The following ATF7IP variants were observed in gnomAD, a reference collection of about 807,000 sequenced individuals.
The protein encoded by ATF7IP is activating transcription factor 7 interacting protein.
In ATF7IP, 23 loss-of-function variants were observed where a neutral mutation model predicts 106.4. That is an observed-to-expected ratio of 0.22 (90% CI 0.16 to 0.31). The LOEUF (loss-of-function observed/expected upper bound fraction) is 0.31. Ranked by LOEUF, ATF7IP falls within the 10% of genes least tolerant of loss-of-function variation. The probability of loss-of-function intolerance (pLI) is 1.00; values close to 1 mark genes in which losing one functional copy is unlikely to be tolerated. For missense variants in ATF7IP, 1,334 were observed against 1,524.3 expected (o/e 0.88, Z 2.08); for synonymous variants, 542 against 539.0 (o/e 1.01, Z -0.08).
At chr12:14,411,564 A>G (rs1478838772) in intron 1 of ATF7IP, among the ~76,000 whole-genome samples, 1 of 151,104 alleles carries the variant, frequency 6.6e-6, no homozygotes, top group Non-Finnish European at 1.5e-5. Context: ...CAGAAAAAGA[A>G]AAAAAAAAGC....
intron 9 of ATF7IP, among the ~76,000 whole-genome samples, chr12:14,465,418 C>G (rs1943793944): frequency 6.6e-6 from 1 of 151,784 alleles, no homozygotes; most frequent in African/African-American, 2.4e-5. Context: ...CCTAGTGTAT[C>G]TTAATACTCC....
chr12:14,451,111 A>C (rs1406717783), intron 6 of ATF7IP, among the ~76,000 whole-genome samples: 1 of 151,752 alleles, frequency 6.6e-6, no homozygotes. Context: ...ATTTACTTTT[A>C]ATAATTCAGT....
In ATF7IP at chr12:14,425,438, C is replaced by T; in HGVS notation, c.1523C>T (p.Ser508Phe). The change falls in exon 2 of 15, where the codon TCT (serine) becomes TTT (phenylalanine). Residue 508 changes from serine to phenylalanine, a missense_variant. Ser to Phe is a radical substitution (Grantham distance 155). This residue lies in a region of ATF7IP where 119 missense variants were observed against 117.8 expected (regional missense o/e 1.01). Transcript: ENST00000261168. ...EEDISGEKDE[S>F]EVISQNETCS... ...GATATTTCGGGTGAAAAAGATGAGT[C>T]TGAAGTTATATCGCAAAATGAAACG... 6.4e-7 allele frequency: 1 copy of T among 1,573,558 alleles called. No homozygotes were observed. Among genetic ancestry groups the T allele is most frequent in the Non-Finnish European group, 8.6e-7 (1 of 1,164,458 alleles).
chr12:14,438,041 A>G (rs1415833038), intron 4 of ATF7IP, 89 bp from the exon 5 acceptor site: 9 of 1,307,762 alleles, frequency 6.9e-6, no homozygotes, highest in Non-Finnish European at 8.4e-6. Flanking sequence ...CGACAGAGCG[A>G]GACTCTGTCT....
At chr12:14,383,667 A>G (rs1939089547) in intron 1 of ATF7IP, among the ~76,000 whole-genome samples, 1 of 152,162 alleles carries the variant, frequency 6.6e-6, no homozygotes, top group South Asian at 2.1e-4. Flanking sequence ...ATCTTCCTGC[A>G]TCAGCCTCTT....
chr12:14,398,803 G>A (rs1940012507), intron 1 of ATF7IP, among the ~76,000 whole-genome samples: 1 of 151,386 alleles, frequency 6.6e-6, no homozygotes, highest in African/African-American at 2.4e-5. Context: ...TCATATATAG[G>A]TTTTATATGT....
chr12:14,497,508 C>G, intron 14 of ATF7IP, 146 bp from the exon 15 acceptor site: 1 of 861,408 alleles, frequency 1.2e-6, no homozygotes, highest in Admixed American at 3.0e-5. Flanking sequence ...ATAGAACTTG[C>G]CAAATTTGAT....
chr12:14,371,038 G>T (rs7137532), intron 1 of ATF7IP, among the ~76,000 whole-genome samples: 82,549 of 151,388 alleles, frequency 0.55, 22,969 homozygotes, highest in African/African-American at 0.66. Flanking sequence ...TATATTTTCT[G>T]ATAAGGATGT....
chr12:14,464,759 A>G (rs921053040), intron 9 of ATF7IP, among the ~76,000 whole-genome samples: 1 of 152,234 alleles, frequency 6.6e-6, no homozygotes, highest in Non-Finnish European at 1.5e-5. Flanking sequence ...AGAATAAGGA[A>G]TATCATTACA....
intron 1 of ATF7IP, chr12:14,394,807 C>T (rs1405556113): frequency 6.6e-6 from 1 of 152,094 alleles, no homozygotes; most frequent in Non-Finnish European, 1.5e-5. Flanking sequence ...TAGGTTTATA[C>T]CTATTGATAC....
At chr12:14,474,086 C>A (rs1175953751) in intron 10 of ATF7IP, among the ~76,000 whole-genome samples, 1 of 151,788 alleles carries the variant, frequency 6.6e-6, no homozygotes, top group East Asian at 1.9e-4. Context: ...GGTTATTATT[C>A]AATTTTTTCT....
chr12:14,382,560 T>C (rs766556733), intron 1 of ATF7IP, among the ~76,000 whole-genome samples: 7 of 152,224 alleles, frequency 4.6e-5, no homozygotes, highest in Non-Finnish European at 7.3e-5. Context: ...GAACTGCAGA[T>C]GTTTTTAGGC....
At position 14,460,836 on chromosome 12, in the gene ATF7IP, T is replaced by C. The variant is rs1461787537; in HGVS notation, c.2500T>C (p.Ser834Pro). 1.9e-6 allele frequency: 3 copies of C among 1,614,050 alleles called. No homozygotes were observed. The highest frequency in any genetic ancestry group is 2.5e-6 in the Non-Finnish European group (3 of 1,180,018). The change falls in exon 9 of 15, where the codon TCC becomes CCC. Residue 834 changes from serine (S) to proline (P), a missense_variant. Physicochemically the swap from Ser to Pro is moderately conservative, Grantham distance 74 (BLOSUM62 -1). Coordinates refer to ENST00000261168, the MANE Select transcript of ATF7IP (RefSeq NM_018179.5). ...TVSGLTKNPV[S>P]LPSLPNPTKP... is the part of the protein sequence containing the mutation. ...GAGTGGTCTTACCAAAAATCCAGTA[T>C]CCTTGCCATCCTTGCCAAATCCCAC...
At position 14,460,646 on chromosome 12, in the gene ATF7IP, A is replaced by C; in HGVS notation, c.2310A>C (p.Gly770=). ...TVVATTQVPS[G]NPQPTISLQP... The stretch of plus-strand genomic sequence containing the variant: ...TTGCTACTACTCAGGTGCCTAGTGG[A>C]AATCCCCAGCCTACAATCTCTTTAC... The change falls in exon 9 of 15, where the codon GGA becomes GGC. Residue 770 remains glycine, a synonymous_variant. Transcript: ENST00000261168. 1 of 1,614,188 alleles carries C rather than the reference A, an allele frequency of 6.2e-7. No homozygotes were observed. The highest frequency in any genetic ancestry group is 8.5e-7 in the Non-Finnish European group (1 of 1,180,030).
chr12:14,438,050 CTCAAAAAAAAAGAATATTTACT>C, intron 4 of ATF7IP, 58 bp from the exon 5 acceptor site: 1 of 1,409,712 alleles, frequency 7.1e-7, no homozygotes, highest in Admixed American at 2.1e-5. Context: ...GAGACTCTGT[CTCAAAAAAAAAGAATATTTACT>C]GTTTATTGCT....
chr12:14,456,644 CAT>C lies in ATF7IP; in HGVS notation c.2069+12_2069+13del. 1 of 1,578,852 alleles carries C rather than the reference CAT, an allele frequency of 6.3e-7. No homozygotes were observed. The highest frequency in any genetic ancestry group is 8.7e-7 in the Non-Finnish European group (1 of 1,151,080). ...ATAACATGTCTTACAGGTGAGAATT[CAT>C]AGTCTGTCTAGTTTTTAAAAACAGA... On this transcript the variant is annotated intron_variant, in intron 7 of 14. Transcript: ENST00000261168.
At chr12:14,371,887 G>C (rs915870565) in intron 1 of ATF7IP, among the ~76,000 whole-genome samples, 3 of 152,012 alleles carry the variant, frequency 2.0e-5, no homozygotes, top group African/African-American at 4.8e-5. Flanking sequence ...TTTTTCAAGG[G>C]AGTCACATGT....
Position 14,436,130 on chromosome 12 carries a change from C to T in ATF7IP, c.1670C>T (p.Ser557Phe). ...GATGAATTTTCTAGACGAAAACGTT[C>T]TAAATCAGAAGACATGGACAATGTA... The part of the protein sequence containing the change: ...EKNEFSRRKR[S>F]KSEDMDNVQS... The change falls in exon 4 of 15, where the codon TCT becomes TTT. Residue 557 changes from serine (S) to phenylalanine (F), a missense_variant. Ser to Phe is a radical substitution (Grantham distance 155). Transcript: ENST00000261168. The T allele has an allele frequency of 2.5e-6, 4 of 1,612,848 alleles. No homozygotes were observed. In the South Asian group the frequency reaches 4.4e-5, roughly 18 times the overall value.
At position 14,481,192 on chromosome 12, in the gene ATF7IP, G is replaced by C. The variant is rs2136812660; in HGVS notation, c.3280+7G>C. On this transcript the variant is annotated splice_region_variant and intron_variant, in intron 13 of 14. Transcript: ENST00000261168. ...CAGGTCAATCCCCAAAATAGTAAGA[G>C]ATTTTTCTTGTATATGGCCCCAAGA... is the stretch of plus-strand genomic sequence containing the variant. The C allele has an allele frequency of 1.2e-6, 2 of 1,613,080 alleles. No homozygotes were observed. The highest frequency in any genetic ancestry group is 1.7e-6 in the Non-Finnish European group (2 of 1,179,876).
Sources: allele counts gnomAD v4.1 joint callset (sites outside exome capture counted in the v4.1 genomes callset), GRCh38; gene constraint gnomAD v4.1.1; regional missense constraint gnomAD v4.1.1; transcripts MANE v1.5; gene names NCBI Gene and HGNC (gene_info 2026-07-23, HGNC 2026-07-21).